Variants in GPR83 observed in about 807,000 individuals in gnomAD.
The protein encoded by GPR83 is G protein-coupled receptor 83, also known as G-protein coupled receptor 72.
In GPR83, 23 loss-of-function variants were observed where a neutral mutation model predicts 28.0. The observed-to-expected ratio is 0.82, with a 90% confidence interval of 0.59 to 1.16. GPR83 has a LOEUF of 1.16. Among genes scored for constraint, GPR83 ranks in the 50% most tolerant of loss-of-function variants. The pLI is 0.00. For synonymous variants in GPR83, 234 were observed against 215.4 expected (o/e 1.09, Z -0.76); for missense variants, 610 against 536.6 (o/e 1.14, Z -1.35).
At chr11:94,385,755 C>T (rs1210562787) in intron 3 of GPR83, among the ~76,000 whole-genome samples, 1 of 152,132 alleles carries the variant, frequency 6.6e-6, no homozygotes, top group East Asian at 1.9e-4. Context: ...GAGAATGGAA[C>T]CAAGTTGGAA....
At chr11:94,382,557 G>C (rs1037307662) in intron 3 of GPR83, among the ~76,000 whole-genome samples, 2 of 152,026 alleles carry the variant, frequency 1.3e-5, no homozygotes, top group African/African-American at 4.8e-5. Context: ...CCTACAAAGA[G>C]ACTCAGACTC....
intron 3 of GPR83, among the ~76,000 whole-genome samples, chr11:94,388,989 G>T (rs1289486937): frequency 1.3e-5 from 2 of 152,058 alleles, no homozygotes; most frequent in Non-Finnish European, 2.9e-5. Context: ...TAAACCAATG[G>T]AACAGAACAG....
chr11:94,393,585 T>C lies in GPR83; in HGVS notation c.547A>G (p.Ile183Val), dbSNP rs141669036. ...IMHPLKPRIS[I>V]TKGVIYIAVI... ...GCGATGTAGATGACACCCTTTGTGA[T>C]TGAGATCCGGGGTTTCAAGGGGTGC... The change falls in exon 3 of 4, where the codon ATC becomes GTC. Residue 183 changes from isoleucine (I) to valine (V), a missense_variant. Coordinates refer to ENST00000243673, the MANE Select transcript of GPR83 (RefSeq NM_016540.4). The C allele has an allele frequency of 5.0e-5, 80 of 1,613,790 alleles. No individual in the cohort carries two copies. The highest frequency in any genetic ancestry group is 1.9e-4 in the African/African-American group (14 of 74,888).
intron 3 of GPR83, among the ~76,000 whole-genome samples, chr11:94,388,245 C>T (rs1473469491): frequency 2.0e-5 from 3 of 152,142 alleles, no homozygotes; most frequent in African/African-American, 7.2e-5. Context: ...TGGAAGCATT[C>T]CCTTTGAAAA....
chr11:94,380,823 T>G, intron 3 of GPR83, 50 bp from the exon 4 acceptor site: 4 of 1,511,360 alleles, frequency 2.6e-6, no homozygotes, highest in Non-Finnish European at 3.6e-6. Context: ...AAGGAGATAT[T>G]AGTGTGGAAA....
intron 1 of GPR83, among the ~76,000 whole-genome samples, chr11:94,400,546 CAAAAAAA>C (rs34496676): frequency 8.5e-6 from 1 of 117,222 alleles, no homozygotes; most frequent in Non-Finnish European, 1.7e-5. Context: ...GGCTGAAAGA[CAAAAAAA>C]AAAAAAAAGA....
chr11:94,380,525 A>G lies in GPR83; in HGVS notation c.896T>C (p.Val299Ala), dbSNP rs1565183156. 2 of 1,614,100 alleles carry G rather than the reference A, an allele frequency of 1.2e-6. No homozygotes were observed. The highest frequency in any genetic ancestry group is 1.7e-6 in the Non-Finnish European group (2 of 1,180,052). The change falls in exon 4 of 4, where the codon GTC becomes GCC. Residue 299 changes from valine to alanine, a missense_variant. By Grantham distance (64) the Val-to-Ala change is moderately conservative (BLOSUM62 0). Coordinates refer to ENST00000243673, the MANE Select transcript of GPR83 (RefSeq NM_016540.4). ...KTIKMLMLVV[V>A]LFALCWFPLN... ...GGGGAACCAGCAGAGGGCAAAGAGGACTACCACCAGCATCAACATCTTGAT... is the reference window on the plus strand; with the variant it reads ...GGGGAACCAGCAGAGGGCAAAGAGGGCTACCACCAGCATCAACATCTTGAT...
chr11:94,387,554 A>T lies in GPR83; in HGVS notation c.647+5931T>A, dbSNP rs552252570. Among the ~76,000 whole-genome samples, 43 of 152,346 alleles carry T rather than the reference A, an allele frequency of 2.8e-4. 1 individual carries two copies. The South Asian group carries it at 8.9e-3, about 32-fold the overall frequency. ...ATCAGAGAATACTATAAACACCTCT[A>T]TGCAAATAAACTAGAAAATCTGGAA... On this transcript the variant is annotated intron_variant, in intron 3 of 3. Transcript: ENST00000243673.
chr11:94,400,030 T>G (rs1944896352), intron 1 of GPR83, among the ~76,000 whole-genome samples: 1 of 152,180 alleles, frequency 6.6e-6, no homozygotes, highest in South Asian at 2.1e-4. Flanking sequence ...ACAGCCTCAT[T>G]ATCAACCCAC....
rs1462677202 is a variant in GPR83 at position 94,379,315 on chromosome 11, G to A, written c.*834C>T. On this transcript the variant is annotated 3_prime_UTR_variant, in exon 4 of 4. Transcript: ENST00000243673. Reference sequence around the variant, plus strand: ...GAACCTGGGAGGCAGAGCTTGCAGTGAGCCGAGATTGTGCCACTGAACTCC... The same window carrying A: ...GAACCTGGGAGGCAGAGCTTGCAGTAAGCCGAGATTGTGCCACTGAACTCC... 1 of 147,926 alleles carries A rather than the reference G, an allele frequency of 6.8e-6. No homozygotes were observed. The highest frequency in any genetic ancestry group is 1.5e-5 in the Non-Finnish European group (1 of 67,512). The allele number at this position is 147,926 out of a possible 1,614,324, so 9.2% of individuals were successfully genotyped here.
intron 3 of GPR83, among the ~76,000 whole-genome samples, chr11:94,383,008 CA>C (rs570936021): frequency 1.5e-4 from 22 of 147,420 alleles, no homozygotes; most frequent in East Asian, 2.0e-4. Context: ...ACTAAAAATA[CA>C]AAAAAAAAAT....
Position 94,380,665 on chromosome 11 carries a change from G to A in GPR83, c.756C>T (p.Leu252=). 1 of 1,614,000 alleles carries A rather than the reference G, an allele frequency of 6.2e-7. No individual in the cohort carries two copies. The highest frequency in any genetic ancestry group is 8.5e-7 in the Non-Finnish European group (1 of 1,180,020). ...ATFILLYILP[L]LIISVAYARV... ...GAGCGTAGGCCACAGAGATGATGAG[G>A]AGGGGCAGGATGTAGAGCAGGATGA... Residue 252 remains leucine, a synonymous_variant, in exon 4 of 4, where the codon CTC becomes CTT. Coordinates refer to ENST00000243673, the MANE Select transcript of GPR83 (RefSeq NM_016540.4).
chr11:94,388,979 T>C (rs1176086349), intron 3 of GPR83, among the ~76,000 whole-genome samples: 17 of 152,024 alleles, frequency 1.1e-4, no homozygotes, highest in Admixed American at 1.1e-3. Flanking sequence ...AACAGAGATA[T>C]AAACCAATGG....
intron 3 of GPR83, among the ~76,000 whole-genome samples, chr11:94,385,159 AAC>A (rs1328805450): frequency 2.6e-5 from 4 of 152,220 alleles, no homozygotes; most frequent in Non-Finnish European, 5.9e-5. Context: ...AAGGAAAACT[AAC>A]AAACAGAAAG....
rs1432919406 is a variant in GPR83 at position 94,380,535 on chromosome 11, G to A, written c.886C>T (p.Leu296=). 1 of 1,614,056 alleles carries A rather than the reference G, an allele frequency of 6.2e-7. No individual in the cohort carries two copies. The highest frequency in any genetic ancestry group is 2.2e-5 in the East Asian group (1 of 44,898). The part of the protein sequence containing the change: ...KKKKTIKMLM[L]VVVLFALCWF... ...CAGAGGGCAAAGAGGACTACCACCAGCATCAACATCTTGATGGTCTTCTTC... is the reference window on the plus strand; with the variant it reads ...CAGAGGGCAAAGAGGACTACCACCAACATCAACATCTTGATGGTCTTCTTC... Residue 296 remains leucine, a synonymous_variant, in exon 4 of 4, where the codon CTG becomes TTG. Transcript: ENST00000243673.
rs951690491 is a variant in GPR83 at position 94,401,415 on chromosome 11, G to T, written c.-168C>A. On this transcript the variant is annotated 5_prime_UTR_variant, in exon 1 of 4. Coordinates refer to ENST00000243673, the MANE Select transcript of GPR83 (RefSeq NM_016540.4). ...CGCCGCCCGCCACCAGCCCGCGGTC[G>T]GCACGCCAGCTCCGGGTTTGTTGGA... is the stretch of plus-strand genomic sequence containing the variant. 1 of 554,416 alleles carries T rather than the reference G, an allele frequency of 1.8e-6. No individual in the cohort carries two copies. The highest frequency in any genetic ancestry group is 3.4e-5 in the East Asian group (1 of 29,512). 34.3% of individuals were successfully genotyped at this position (554,416 alleles called of 1,614,324 possible). A position where few individuals can be genotyped will look rare whatever the true frequency, so the allele number is the denominator to read the frequency against.
intron 3 of GPR83, among the ~76,000 whole-genome samples, chr11:94,381,534 C>T (rs1213409103): frequency 6.8e-6 from 1 of 146,556 alleles, no homozygotes; most frequent in Non-Finnish European, 1.5e-5. Context: ...TCTCTTGACC[C>T]TGCTTTTGTC....
intron 2 of GPR83, among the ~76,000 whole-genome samples, chr11:94,394,004 G>T (rs1038130149): frequency 6.6e-6 from 1 of 151,974 alleles, no homozygotes; most frequent in African/African-American, 2.4e-5. Flanking sequence ...GGAAAGAAAG[G>T]GTCATCTGGA....
chr11:94,378,645 TCTC>T lies in GPR83; in HGVS notation c.*1501_*1503del, dbSNP rs767484031. The T allele has an allele frequency of 1.3e-5, 2 of 152,590 alleles. No homozygotes were observed. The highest frequency in any genetic ancestry group is 2.9e-5 in the Non-Finnish European group (2 of 68,028). The allele number at this position is 152,590 out of a possible 1,614,324, so 9.5% of individuals were successfully genotyped here. A position where few individuals can be genotyped will look rare whatever the true frequency, so the allele number is the denominator to read the frequency against. On this transcript the variant is annotated 3_prime_UTR_variant, in exon 4 of 4. Transcript: ENST00000243673. ...CCACCAAAATGATGTTGACAGCGAA[TCTC>T]CTTTTGAGAAATGGTGTGAAAAAAC...
Sources: allele counts gnomAD v4.1 joint callset (sites outside exome capture counted in the v4.1 genomes callset), GRCh38; gene constraint gnomAD v4.1.1; transcripts MANE v1.5; gene names NCBI Gene and HGNC (gene_info 2026-07-23, HGNC 2026-07-21).